PTGER3: variants seen among roughly 807,000 people sequenced by gnomAD.
The protein encoded by PTGER3 is prostaglandin E receptor 3, also known as prostaglandin E2 receptor EP3 subtype.
Under a neutral mutation model 34.7 loss-of-function variants are expected in PTGER3, and 22 were observed. The ratio of observed to expected loss-of-function variants is 0.63; its 90% CI spans 0.45 to 0.91. The LOEUF is 0.91. Among genes scored for constraint, PTGER3 ranks in the 40% least tolerant of loss-of-function variants. The probability of loss-of-function intolerance (pLI) is 0.00; values close to 1 mark genes in which losing one functional copy is unlikely to be tolerated. For missense variants in PTGER3, 468 were observed against 519.4 expected (o/e 0.90, Z 0.96); for synonymous variants, 241 against 230.1 (o/e 1.05, Z -0.43).
At chr1:70,968,467 T>G (rs1014522589), downstream of PTGER3, among the ~76,000 whole-genome samples, 1 of 152,130 alleles carries the variant, frequency 6.6e-6, no homozygotes, top group Non-Finnish European at 1.5e-5. Context: ...ATAACCTTGT[T>G]GCATAATGAC....
intron 2 of PTGER3, among the ~76,000 whole-genome samples, chr1:70,960,991 A>G (rs1422072446): frequency 6.6e-6 from 1 of 152,164 alleles, no homozygotes; most frequent in Non-Finnish European, 1.5e-5. Flanking sequence ...ACTGCACCCC[A>G]TAGTTGCCAT....
Position 70,876,774 on chromosome 1 carries a change from G to T in PTGER3, c.*24-23915C>A, listed in dbSNP as rs536897416. ...AAAACAAGATGCCTGTAGGTCTGTG[G>T]CTTTACTTCCGGGCTTTCTATTCTG... is the stretch of plus-strand genomic sequence containing the variant. On this transcript the variant is annotated intron_variant, in intron 4 of 4. Coordinates refer to the PTGER3 transcript ENST00000370931. 1.6e-4 allele frequency among the ~76,000 whole-genome samples: 24 copies of T among 152,236 alleles called. No individual in the cohort carries two copies. The South Asian group carries it at 4.8e-3, about 30-fold the overall frequency.
intron 4 of PTGER3, among the ~76,000 whole-genome samples, chr1:70,938,117 G>A (rs970728468): frequency 3.3e-5 from 5 of 152,026 alleles, no homozygotes; most frequent in African/African-American, 1.2e-4. Flanking sequence ...GGGGGTGGGA[G>A]GTGTCAATGT....
At chr1:70,881,849 T>C (rs1004166360) in intron 4 of PTGER3, among the ~76,000 whole-genome samples, 2 of 152,222 alleles carry the variant, frequency 1.3e-5, no homozygotes, top group African/African-American at 4.8e-5. Context: ...CAGGGAAACA[T>C]AAGGTTGCAC....
At chr1:70,986,587 A>G (rs1654935746) in intron 2 of PTGER3, among the ~76,000 whole-genome samples, 1 of 152,208 alleles carries the variant, frequency 6.6e-6, no homozygotes. Flanking sequence ...CAGCACTGAA[A>G]TCAATGGTGG....
rs117111228 is a variant in PTGER3, at chr1:70,891,009, G to A, written c.*24-38150C>T. On this transcript the variant is annotated intron_variant, in intron 4 of 4. Coordinates refer to the PTGER3 transcript ENST00000370931. Reference sequence around the variant, plus strand: ...CCTCTCTGGAACCTGATTCTTGAGTGCAGTTGCTTTTACTCAACGTGCAAA... The same window carrying A: ...CCTCTCTGGAACCTGATTCTTGAGTACAGTTGCTTTTACTCAACGTGCAAA... Among the ~76,000 whole-genome samples the A allele has an allele frequency of 2.1e-4, 32 of 152,286 alleles. No individual in the cohort carries two copies. The East Asian group carries it at 6.2e-3, about 29-fold the overall frequency.
At chr1:70,902,596 T>C (rs1328537113) in intron 4 of PTGER3, among the ~76,000 whole-genome samples, 4 of 152,184 alleles carry the variant, frequency 2.6e-5, no homozygotes, top group African/African-American at 7.2e-5. Flanking sequence ...GCAGTCTTTC[T>C]TAATGATTAG....
chr1:70,953,011 A>G, exon 4 of PTGER3: 1 of 1,611,974 alleles, frequency 6.2e-7, no homozygotes, highest in Non-Finnish European at 8.5e-7. Flanking sequence ...ACTTGCCCAC[A>G]ATGTGCAGTT....
At chr1:70,982,310 T>C (rs1654457216) in intron 2 of PTGER3, among the ~76,000 whole-genome samples, 1 of 152,126 alleles carries the variant, frequency 6.6e-6, no homozygotes, top group African/African-American at 2.4e-5. Flanking sequence ...GCCTCTCACT[T>C]TGGGAATATC....
rs1660833782 is a variant in PTGER3 at position 71,046,545 on chromosome 1, G to T, written c.897+136C>A. The T allele has an allele frequency of 3.7e-6, 4 of 1,093,830 alleles. No homozygotes were observed. In the South Asian group the frequency reaches 7.5e-5, roughly 21 times the overall value. 67.8% of individuals were successfully genotyped at this position (1,093,830 alleles called of 1,614,324 possible). ...GCTCTGAAGCTGTAACCAAGACCGC[G>T]CGGGCAGGAGGAAAGGACACTTCAG... On this transcript the variant is annotated intron_variant, in intron 1 of 3. Transcript: ENST00000306666.
intron 4 of PTGER3, among the ~76,000 whole-genome samples, chr1:70,887,438 G>A (rs1646521596): frequency 6.6e-6 from 1 of 152,126 alleles, no homozygotes; most frequent in South Asian, 2.1e-4. Context: ...CCAAATGTGT[G>A]TAATTTGTCC....
chr1:70,885,712 A>C, intron 4 of PTGER3, among the ~76,000 whole-genome samples: 1 of 152,176 alleles, frequency 6.6e-6, no homozygotes, highest in East Asian at 1.9e-4. Context: ...CCCTTCACCA[A>C]GCTCACAGTC....
At chr1:70,968,733 A>G (rs2100663078), downstream of PTGER3, among the ~76,000 whole-genome samples, 1 of 152,006 alleles carries the variant, frequency 6.6e-6, no homozygotes, top group South Asian at 2.1e-4. Context: ...ATATATATAT[A>G]TACTGATATG....
intron 1 of PTGER3, among the ~76,000 whole-genome samples, chr1:71,026,032 G>A (rs9425053): frequency 0.12 from 18,474 of 152,118 alleles, 1,571 homozygotes; most frequent in East Asian, 0.23. Flanking sequence ...ATACCCCCCA[G>A]AATCTGAGAT....
intron 2 of PTGER3, chr1:71,006,709 C>T (rs1477406450): frequency 8.1e-6 from 8 of 984,818 alleles, no homozygotes; most frequent in Non-Finnish European, 9.6e-6. Context: ...ACAAAATGAT[C>T]TAATTTTTCC....
intron 2 of PTGER3, 56 bp downstream of exon 2, chr1:71,012,249 G>A (rs1035705111): frequency 1.2e-6 from 2 of 1,613,864 alleles, no homozygotes; most frequent in Non-Finnish European, 1.7e-6. Context: ...ATTAGATAAT[G>A]AGATAGGCTG....
chr1:71,031,166 T>C (rs1168567557), intron 1 of PTGER3, among the ~76,000 whole-genome samples: 2 of 152,090 alleles, frequency 1.3e-5, no homozygotes, highest in Non-Finnish European at 2.9e-5. Context: ...GAAGTCCTTT[T>C]ATTTTTTGTG....
intron 4 of PTGER3, among the ~76,000 whole-genome samples, chr1:70,904,079 G>A (rs879640298): frequency 6.9e-5 from 9 of 129,634 alleles, no homozygotes; most frequent in Admixed American, 8.8e-5. Context: ...TGAGTCTCAT[G>A]AGATCTGATG....
chr1:70,939,729 C>T (rs1370551574), intron 4 of PTGER3, among the ~76,000 whole-genome samples: 1 of 152,238 alleles, frequency 6.6e-6, no homozygotes, highest in Non-Finnish European at 1.5e-5. Flanking sequence ...GCTGGAGTGG[C>T]TGGGACACAG....
Sources: allele counts gnomAD v4.1 joint callset (sites outside exome capture counted in the v4.1 genomes callset), GRCh38; gene constraint gnomAD v4.1.1; transcripts MANE v1.5; gene names NCBI Gene and HGNC (gene_info 2026-07-23, HGNC 2026-07-21).